The following KIAA0319 variants were observed in gnomAD, a reference collection of about 807,000 sequenced individuals.
The protein encoded by KIAA0319 is KIAA0319.
KIAA0319 carries 83 observed loss-of-function variants against 108.4 expected under a neutral mutation model. That is an observed-to-expected ratio of 0.77 (90% CI 0.64 to 0.92). The LOEUF (loss-of-function observed/expected upper bound fraction) is 0.92. Among genes scored for constraint, KIAA0319 ranks in the 40% least tolerant of loss-of-function variants. The pLI is 0.00. For missense variants in KIAA0319, 1,195 were observed against 1,322.4 expected, an observed-to-expected ratio of 0.90 and a Z score of 1.49; for synonymous variants, 484 against 510.4, an observed-to-expected ratio of 0.95 and a Z score of 0.70.
chr6:24,595,975 A>T lies in KIAA0319; in HGVS notation c.699T>A (p.Ser233Arg). The T allele has an allele frequency of 6.2e-7, 1 of 1,614,096 alleles. No homozygotes were observed. The highest frequency in any genetic ancestry group is 8.5e-7 in the Non-Finnish European group (1 of 1,180,028). ...STPAPKLPER[S>R]VLLPLPTTPS... ...GAGTAGTCGGCAAGGGAAGCAACACACTTCTCTCAGGGAGTTTTGGGGCAG... is the reference window on the plus strand; with the variant it reads ...GAGTAGTCGGCAAGGGAAGCAACACTCTTCTCTCAGGGAGTTTTGGGGCAG... Residue 233 changes from serine to arginine, a missense_variant, in exon 3 of 21, where the codon AGT (serine) becomes AGA (arginine). Ser to Arg is a moderately radical substitution (Grantham distance 110, BLOSUM62 -1). Coordinates refer to ENST00000378214, the MANE Select transcript of KIAA0319 (RefSeq NM_014809.4).
intron 1 of KIAA0319, among the ~76,000 whole-genome samples, chr6:24,633,032 G>A (rs973931767): frequency 6.6e-6 from 1 of 152,172 alleles, no homozygotes; most frequent in African/African-American, 2.4e-5. Context: ...TACAGGCAAG[G>A]AAGATATTCC....
At chr6:24,579,766 A>C in intron 8 of KIAA0319, 92 bp downstream of exon 8, 2 of 978,014 alleles carry the variant, frequency 2.0e-6, no homozygotes, top group Non-Finnish European at 3.1e-6. Flanking sequence ...GTAACAGCCC[A>C]TAAGTCCTCC....
intron 11 of KIAA0319, among the ~76,000 whole-genome samples, chr6:24,570,822 A>C (rs1048037081): frequency 2.0e-5 from 3 of 152,194 alleles, no homozygotes; most frequent in African/African-American, 7.2e-5. Flanking sequence ...CTCAGTGCTA[A>C]CACAGTGCCT....
At chr6:24,617,556 T>C (rs1438355275) in intron 1 of KIAA0319, among the ~76,000 whole-genome samples, 2 of 152,222 alleles carry the variant, frequency 1.3e-5, no homozygotes, top group Non-Finnish European at 2.9e-5. Flanking sequence ...AAGCTGAAGC[T>C]GCCAGATACA....
chr6:24,630,607 T>A (rs1428566047), intron 1 of KIAA0319, among the ~76,000 whole-genome samples: 4 of 57,586 alleles, frequency 6.9e-5, no homozygotes, highest in Non-Finnish European at 1.1e-4. Context: ...TAGAAAAAAA[T>A]TATAAATCGT....
Position 24,547,082 on chromosome 6 carries a change from T to C in KIAA0319, c.*83A>G, listed in dbSNP as rs1301987480. On this transcript the variant is annotated 3_prime_UTR_variant, in exon 21 of 21. Transcript: ENST00000378214. ...GGGGAAGAAGGTCAATGAACTATTC[T>C]AAAAGAGTGGGTTTTGTGCTGTAAC... The C allele has an allele frequency of 1.1e-5, 15 of 1,418,392 alleles. No individual in the cohort carries two copies. The highest frequency in any genetic ancestry group is 4.9e-6 in the Non-Finnish European group (5 of 1,015,468). 87.9% of individuals were successfully genotyped at this position (1,418,392 alleles called of 1,614,324 possible). A position where few individuals can be genotyped will look rare whatever the true frequency, so the allele number is the denominator to read the frequency against.
intron 1 of KIAA0319, among the ~76,000 whole-genome samples, chr6:24,629,638 T>C (rs1351799819): frequency 1.3e-5 from 2 of 152,080 alleles, no homozygotes; most frequent in Non-Finnish European, 1.5e-5. Flanking sequence ...GCTACCTTTT[T>C]TAAAAATAAA....
chr6:24,585,699 C>T (rs1056277322), intron 4 of KIAA0319, among the ~76,000 whole-genome samples: 10 of 152,156 alleles, frequency 6.6e-5, no homozygotes, highest in African/African-American at 2.4e-4. Context: ...ATACCTATGA[C>T]CTGAAAGACC....
chr6:24,560,707 C>G (rs1022078506), intron 16 of KIAA0319, among the ~76,000 whole-genome samples: 1 of 152,184 alleles, frequency 6.6e-6, no homozygotes, highest in African/African-American at 2.4e-5. Context: ...CTGCCTCGGT[C>G]GTTACATGGT....
At chr6:24,574,479 C>G (rs547119433) in intron 10 of KIAA0319, among the ~76,000 whole-genome samples, 2 of 152,220 alleles carry the variant, frequency 1.3e-5, no homozygotes, top group South Asian at 2.1e-4. Context: ...CTAAGTCAAC[C>G]TAAGTTTTTA....
In KIAA0319 at chr6:24,544,287, C is replaced by T. The variant is rs1295268485; in HGVS notation, c.*2878G>A. 1.3e-5 allele frequency: 2 copies of T among 152,220 alleles called. No individual in the cohort carries two copies. Among genetic ancestry groups the T allele is most frequent in the Non-Finnish European group, 2.9e-5 (2 of 68,046 alleles). 9.4% of individuals were successfully genotyped at this position (152,220 alleles called of 1,614,324 possible). A position where few individuals can be genotyped will look rare whatever the true frequency, so the allele number is the denominator to read the frequency against. The stretch of plus-strand genomic sequence containing the variant: ...TGACCTATACTCAAGGGAAATCCCT[C>T]TACCCTGAAGCATAAAGAAAACAAA... On this transcript the variant is annotated 3_prime_UTR_variant, in exon 21 of 21. Transcript: ENST00000378214.
intron 1 of KIAA0319, among the ~76,000 whole-genome samples, chr6:24,630,982 A>C (rs1775507727): frequency 6.6e-6 from 1 of 152,224 alleles, no homozygotes. Flanking sequence ...GGCCTCTTTC[A>C]GAGATCCAAA....
rs199502494 is a variant in KIAA0319, at chr6:24,564,378, C to T, written c.2293-38G>A. The T allele has an allele frequency of 8.4e-4, 1,354 of 1,611,586 alleles. 2 individuals carry two copies. The highest frequency in any genetic ancestry group is 7.3e-3 in the Middle Eastern group (44 of 6,050). ...ACGGATCACAGGGCAGCTGTCAATC[C>T]TCGGGTCCCAATTTCTGGGCTTCTG... On this transcript the variant is annotated intron_variant, in intron 14 of 20. Transcript: ENST00000378214.
At chr6:24,565,364 C>T (rs1159078430) in intron 14 of KIAA0319, among the ~76,000 whole-genome samples, 4 of 139,112 alleles carry the variant, frequency 2.9e-5, no homozygotes, top group Non-Finnish European at 4.6e-5. Flanking sequence ...GGAATGAAGA[C>T]GTACATACAT....
intron 1 of KIAA0319, among the ~76,000 whole-genome samples, chr6:24,615,310 A>G (rs1242987597): frequency 6.6e-6 from 1 of 152,198 alleles, no homozygotes; most frequent in Non-Finnish European, 1.5e-5. Context: ...CTATATACAC[A>G]TTGGTATTAT....
In KIAA0319 at chr6:24,617,531, G is replaced by A. The variant is rs370138307; in HGVS notation, c.-105-16323C>T. On this transcript the variant is annotated intron_variant, in intron 1 of 20. Coordinates refer to ENST00000378214, the MANE Select transcript of KIAA0319 (RefSeq NM_014809.4). ...CAAAGAGGGAGCTAGAAAGCAGAGC[G>A]GAAAGCTGATGGTGAAGCTGAAGCT... Among the ~76,000 whole-genome samples, 8 of 151,348 alleles carry A rather than the reference G, an allele frequency of 5.3e-5. No homozygotes were observed. In the South Asian group the frequency reaches 8.3e-4, roughly 16 times the overall value.
At chr6:24,571,010 C>T (rs750676404) in intron 11 of KIAA0319, among the ~76,000 whole-genome samples, 17 of 150,928 alleles carry the variant, frequency 1.1e-4, no homozygotes, top group Non-Finnish European at 2.2e-4. Context: ...GCCAACGTGG[C>T]GAAACTCTGT....
intron 10 of KIAA0319, among the ~76,000 whole-genome samples, chr6:24,575,407 T>C (rs531799860): frequency 3.3e-5 from 5 of 152,316 alleles, no homozygotes; most frequent in African/African-American, 1.2e-4. Flanking sequence ...AAATATCCCA[T>C]CTTCCTGTTT....
chr6:24,566,855 T>C, intron 13 of KIAA0319, 107 bp from the exon 14 acceptor site: 1 of 1,032,066 alleles, frequency 9.7e-7, no homozygotes, highest in Non-Finnish European at 1.4e-6. Context: ...GCAGATACAG[T>C]ATGTAGAATT....
Sources: gnomAD v4.1 joint callset for allele counts (sites outside exome capture counted in the v4.1 genomes callset) on GRCh38, gnomAD v4.1.1 for gene constraint, MANE v1.5 for transcripts, NCBI Gene and HGNC (gene_info 2026-07-23, HGNC 2026-07-21) for gene names.